ARHGAP24: variants seen among roughly 807,000 people sequenced by gnomAD.
ARHGAP24 encodes the protein Rho GTPase activating protein 24.
ARHGAP24 carries 50 observed loss-of-function variants against 76.4 expected under a neutral mutation model. That is an observed-to-expected ratio of 0.65 (90% CI 0.52 to 0.83). The LOEUF (loss-of-function observed/expected upper bound fraction) is 0.83, where lower values mean the gene tolerates loss of function less well. Among genes scored for constraint, ARHGAP24 ranks in the 40% least tolerant of loss-of-function variants. ARHGAP24 has a pLI of 0.00. For synonymous variants in ARHGAP24, 345 were observed against 323.3 expected, an observed-to-expected ratio of 1.07 and a Z score of -0.72; for missense variants, 930 against 914.2, an observed-to-expected ratio of 1.02 and a Z score of -0.22.
At chr4:85,969,989 C>T (rs1738877344) in intron 5 of ARHGAP24, among the ~76,000 whole-genome samples, 1 of 152,090 alleles carries the variant, frequency 6.6e-6, no homozygotes, top group African/African-American at 2.4e-5. Context: ...ATAAAATTAG[C>T]TAGTTAAAAC....
chr4:85,580,048 T>C (rs1209638571), intron 2 of ARHGAP24, among the ~76,000 whole-genome samples: 1 of 152,128 alleles, frequency 6.6e-6, no homozygotes, highest in Non-Finnish European at 1.5e-5. Flanking sequence ...TTTATTCAAT[T>C]TCAATCTAAT....
chr4:85,832,816 G>A (rs1730062257), intron 3 of ARHGAP24, among the ~76,000 whole-genome samples: 1 of 152,196 alleles, frequency 6.6e-6, no homozygotes, highest in African/African-American at 2.4e-5. Context: ...GCACAGGGGC[G>A]ATGCTATCAC....
chr4:85,781,657 C>A (rs897446471), intron 3 of ARHGAP24, among the ~76,000 whole-genome samples: 5 of 152,050 alleles, frequency 3.3e-5, no homozygotes, highest in Non-Finnish European at 7.4e-5. Flanking sequence ...ACAAACTTTT[C>A]TGTTTGAAAC....
At chr4:85,731,578 G>C (rs1164430359) in intron 3 of ARHGAP24, among the ~76,000 whole-genome samples, 1 of 152,176 alleles carries the variant, frequency 6.6e-6, no homozygotes, top group Non-Finnish European at 1.5e-5. Context: ...AGTGCCTCCT[G>C]AGACTGGATC....
intron 2 of ARHGAP24, among the ~76,000 whole-genome samples, chr4:85,646,765 AGTGC>A (rs2109976103): frequency 6.6e-6 from 1 of 152,238 alleles, no homozygotes; most frequent in Non-Finnish European, 1.5e-5. Context: ...ATCTGGCCAT[AGTGC>A]TGTTCAGAGG....
At chr4:85,863,722 A>T (rs1383523098) in intron 3 of ARHGAP24, among the ~76,000 whole-genome samples, 1 of 152,142 alleles carries the variant, frequency 6.6e-6, no homozygotes, top group Non-Finnish European at 1.5e-5. Context: ...TGAATTGTCA[A>T]ACTGAATGTG....
chr4:85,873,614 G>A (rs1732663530), intron 3 of ARHGAP24, among the ~76,000 whole-genome samples: 1 of 152,172 alleles, frequency 6.6e-6, no homozygotes, highest in Non-Finnish European at 1.5e-5. Flanking sequence ...TTCAGAATGG[G>A]CAACCCCGTT....
chr4:85,709,395 A>G (rs940351781), intron 2 of ARHGAP24, among the ~76,000 whole-genome samples: 2 of 152,176 alleles, frequency 1.3e-5, no homozygotes, highest in East Asian at 3.9e-4. Context: ...AGTAATAATA[A>G]AATGTAACAC....
intron 2 of ARHGAP24, among the ~76,000 whole-genome samples, chr4:85,665,750 G>T (rs552355925): frequency 2.0e-4 from 30 of 152,192 alleles, no homozygotes; most frequent in East Asian, 1.7e-3. Flanking sequence ...GTCTGTAAAG[G>T]ATTTTATTTC....
intron 2 of ARHGAP24, among the ~76,000 whole-genome samples, chr4:85,577,703 A>G (rs1253986601): frequency 6.6e-6 from 1 of 152,224 alleles, no homozygotes. Flanking sequence ...GTATTTTAAT[A>G]AAGATAAAAT....
intron 1 of ARHGAP24, among the ~76,000 whole-genome samples, chr4:85,518,116 T>C (rs78686974): frequency 0.011 from 1,739 of 152,130 alleles, 45 homozygotes; most frequent in African/African-American, 0.04. Flanking sequence ...ATAAAGCAAT[T>C]GCAGAGTTAT....
chr4:85,704,041 G>A (rs1013253214), intron 2 of ARHGAP24, among the ~76,000 whole-genome samples: 3 of 152,112 alleles, frequency 2.0e-5, no homozygotes, highest in African/African-American at 7.2e-5. Context: ...TAACCTTTGA[G>A]CCTGTCATCT....
chr4:85,522,126 A>G (rs1392307699), intron 1 of ARHGAP24, among the ~76,000 whole-genome samples: 1 of 152,212 alleles, frequency 6.6e-6, no homozygotes, highest in East Asian at 1.9e-4. Flanking sequence ...AAAATTCATT[A>G]AAACAAATAG....
intron 3 of ARHGAP24, among the ~76,000 whole-genome samples, chr4:85,799,213 A>G (rs1728483521): frequency 6.6e-6 from 1 of 152,166 alleles, no homozygotes; most frequent in Non-Finnish European, 1.5e-5. Flanking sequence ...ATCATCTTTC[A>G]AAAAACAATA....
At chr4:85,893,674 T>C (rs1733965512) in intron 3 of ARHGAP24, among the ~76,000 whole-genome samples, 1 of 135,006 alleles carries the variant, frequency 7.4e-6, no homozygotes, top group Non-Finnish European at 1.6e-5. Context: ...TCTTTAAGAA[T>C]GTTGAATATT....
chr4:85,715,394 A>G (rs774141613), intron 2 of ARHGAP24, among the ~76,000 whole-genome samples: 1 of 152,094 alleles, frequency 6.6e-6, no homozygotes, highest in Non-Finnish European at 1.5e-5. Flanking sequence ...GGTCTGGTAT[A>G]TTAGATTTTT....
chr4:85,994,406 A>G (rs186782734), intron 8 of ARHGAP24, among the ~76,000 whole-genome samples, 177 bp from the exon 9 acceptor site: 2 of 152,348 alleles, frequency 1.3e-5, no homozygotes, highest in African/African-American at 2.4e-5. Context: ...TTCATGGCAC[A>G]AAGTAAATGC....
chr4:85,875,653 TATATA>T (rs1471497452), intron 3 of ARHGAP24, among the ~76,000 whole-genome samples: 14 of 127,612 alleles, frequency 1.1e-4, no homozygotes, highest in Middle Eastern at 7.5e-3. Flanking sequence ...ATTTATATTA[TATATA>T]ATATAACATA....
At chr4:85,754,130 G>A (rs895796950) in intron 3 of ARHGAP24, among the ~76,000 whole-genome samples, 11 of 152,112 alleles carry the variant, frequency 7.2e-5, no homozygotes, top group Middle Eastern at 3.4e-3. Context: ...CTGATCTCTG[G>A]TAAAAACATC....
Sources: gnomAD v4.1 joint callset for allele counts (sites outside exome capture counted in the v4.1 genomes callset) on GRCh38, gnomAD v4.1.1 for gene constraint, MANE v1.5 for transcripts, NCBI Gene and HGNC (gene_info 2026-07-23, HGNC 2026-07-21) for gene names.